The following EXT1 variants were observed in gnomAD, a reference collection of about 807,000 sequenced individuals.
EXT1 encodes the protein exostosin-1.
EXT1 carries 20 observed loss-of-function variants against 82.5 expected under a neutral mutation model. That is an observed-to-expected ratio of 0.24 (90% confidence interval 0.17 to 0.35). EXT1 has a LOEUF of 0.35. Among genes scored for constraint, EXT1 ranks in the 10% least tolerant of loss-of-function variants. The pLI is 1.00. For missense variants in EXT1, 757 were observed against 936.5 expected (o/e 0.81, Z 2.50); for synonymous variants, 348 against 350.8 (o/e 0.99, Z 0.09).
chr8:117,927,384 T>G (rs1813972313), intron 1 of EXT1, among the ~76,000 whole-genome samples: 1 of 152,106 alleles, frequency 6.6e-6, no homozygotes, highest in Non-Finnish European at 1.5e-5. Context: ...TTAAGTACTA[T>G]TTTGGCTTCT....
intron 1 of EXT1, among the ~76,000 whole-genome samples, chr8:117,867,260 G>GCAAAAAAAAAAAAAAAAAA (rs774425294): frequency 1.0e-5 from 1 of 98,914 alleles, no homozygotes; most frequent in African/African-American, 4.0e-5. Context: ...CTCCACCTCA[G>GCAAAAAAAAAAAAAAAAAA]AAAAAAAAAA....
intron 1 of EXT1, among the ~76,000 whole-genome samples, chr8:117,955,215 T>C (rs926271776): frequency 6.6e-6 from 1 of 152,194 alleles, no homozygotes. Flanking sequence ...CATGTGGATA[T>C]GGTTATCAAC....
intron 1 of EXT1, among the ~76,000 whole-genome samples, chr8:118,037,958 A>T (rs1481751026): frequency 6.7e-6 from 1 of 148,718 alleles, no homozygotes; most frequent in Admixed American, 6.8e-5. Flanking sequence ...ATCCTGCCTC[A>T]GCCTCCCAAG....
At chr8:118,081,717 T>A (rs1264274330) in intron 1 of EXT1, among the ~76,000 whole-genome samples, 1 of 152,218 alleles carries the variant, frequency 6.6e-6, no homozygotes, top group African/African-American at 2.4e-5. Context: ...TGTCATTTAA[T>A]GAATTGATGC....
intron 1 of EXT1, among the ~76,000 whole-genome samples, chr8:117,857,558 C>T (rs1402264417): frequency 6.7e-6 from 1 of 149,768 alleles, no homozygotes; most frequent in Admixed American, 6.6e-5. Flanking sequence ...AAAAAAGTCC[C>T]AGATGGCAGC....
rs549330116 is a variant in EXT1, at chr8:118,110,309, C to T, written c.738G>A (p.Gly246=). Residue 246 remains glycine (G), a synonymous_variant, in exon 1 of 11, where the codon GGG becomes GGA. Coordinates refer to ENST00000378204, the MANE Select transcript of EXT1 (RefSeq NM_000127.3). ...TGTTGAACTTCAAAAACCCCCTCTC[C>T]CCTCCTGTCCTGGGATGATCCTTAG... The part of the protein sequence containing the change: ...LFSKDHPRTG[G]ERGFLKFNTI... 2 of 1,614,122 alleles carry T rather than the reference C, an allele frequency of 1.2e-6. No homozygotes were observed. Among genetic ancestry groups the T allele is most frequent in the African/African-American group, 1.3e-5 (1 of 75,022 alleles).
chr8:117,910,459 T>C (rs7843515), intron 1 of EXT1, among the ~76,000 whole-genome samples: 39,671 of 152,084 alleles, frequency 0.26, 5,848 homozygotes, highest in East Asian at 0.37. Context: ...AAAAACTTCC[T>C]GTGAGAGCTT....
intron 1 of EXT1, among the ~76,000 whole-genome samples, chr8:117,882,678 T>C (rs1336895094): frequency 2.6e-5 from 4 of 152,036 alleles, no homozygotes; most frequent in Non-Finnish European, 5.9e-5. Context: ...ATTCTGGGTA[T>C]AAAAATATGA....
chr8:117,914,679 C>T (rs568884405), intron 1 of EXT1, among the ~76,000 whole-genome samples: 10 of 152,140 alleles, frequency 6.6e-5, no homozygotes, highest in Non-Finnish European at 1.3e-4. Flanking sequence ...CTGAGATATG[C>T]CCTGGTCTCT....
chr8:117,999,056 G>A (rs780809951), intron 1 of EXT1, among the ~76,000 whole-genome samples: 1 of 152,096 alleles, frequency 6.6e-6, no homozygotes, highest in Admixed American at 6.5e-5. Flanking sequence ...CGGAATGAGA[G>A]GCTGGCACAT....
At chr8:118,069,311 G>A (rs566874779) in intron 1 of EXT1, among the ~76,000 whole-genome samples, 3 of 152,268 alleles carry the variant, frequency 2.0e-5, no homozygotes, top group African/African-American at 7.2e-5. Context: ...CAGAATCAAA[G>A]AGTGGTCTCA....
At chr8:117,913,689 G>T (rs979457108) in intron 1 of EXT1, among the ~76,000 whole-genome samples, 7 of 152,174 alleles carry the variant, frequency 4.6e-5, no homozygotes, top group African/African-American at 1.7e-4. Flanking sequence ...TGGGAGGGAA[G>T]TAGGAAGTGG....
At chr8:117,884,943 A>G (rs1813121412) in intron 1 of EXT1, among the ~76,000 whole-genome samples, 1 of 152,234 alleles carries the variant, frequency 6.6e-6, no homozygotes, top group Non-Finnish European at 1.5e-5. Context: ...TTTAGTTTCA[A>G]TGGATCGAAA....
chr8:118,064,732 T>G (rs1208316629), intron 1 of EXT1, among the ~76,000 whole-genome samples: 1 of 152,228 alleles, frequency 6.6e-6, no homozygotes, highest in Non-Finnish European at 1.5e-5. Flanking sequence ...TTTTTGATTC[T>G]AGATCCTTGA....
At chr8:117,997,574 C>T (rs1815573286) in intron 1 of EXT1, among the ~76,000 whole-genome samples, 1 of 151,914 alleles carries the variant, frequency 6.6e-6, no homozygotes, top group Non-Finnish European at 1.5e-5. Context: ...TGATATATAC[C>T]TAGGGATAAG....
chr8:118,063,602 T>C (rs1056490087), intron 1 of EXT1, among the ~76,000 whole-genome samples: 2 of 152,212 alleles, frequency 1.3e-5, no homozygotes, highest in African/African-American at 4.8e-5. Context: ...ATTGCTTCAG[T>C]TCTCTGTGAG....
At chr8:117,855,740 C>T (rs1286155396) in intron 1 of EXT1, among the ~76,000 whole-genome samples, 2 of 152,214 alleles carry the variant, frequency 1.3e-5, no homozygotes, top group Non-Finnish European at 2.9e-5. Context: ...GCGATCTCGG[C>T]TCACTGCAAC....
intron 1 of EXT1, among the ~76,000 whole-genome samples, chr8:118,002,452 T>C (rs888842051): frequency 2.7e-5 from 4 of 149,856 alleles, no homozygotes; most frequent in Admixed American, 6.7e-5. Flanking sequence ...GCCCAAGCCA[T>C]TAAGAAATGA....
intron 1 of EXT1, among the ~76,000 whole-genome samples, chr8:118,082,783 C>A (rs7836146): frequency 0.2 from 31,177 of 152,140 alleles, 3,346 homozygotes; most frequent in Admixed American, 0.26. Flanking sequence ...TTTTCTCACA[C>A]GTCTTTCCTA....
Sources: allele counts gnomAD v4.1 joint callset (sites outside exome capture counted in the v4.1 genomes callset), GRCh38; gene constraint gnomAD v4.1.1; transcripts MANE v1.5; gene names NCBI Gene and HGNC (gene_info 2026-07-23, HGNC 2026-07-21).